Variants in SYTL2 observed in about 807,000 individuals in gnomAD.
The protein encoded by SYTL2 is synaptotagmin-like protein 2.
A neutral mutation model predicts 198.7 loss-of-function variants in SYTL2; 165 were observed. That is an observed-to-expected ratio of 0.83 (90% CI 0.73 to 0.94). The LOEUF (loss-of-function observed/expected upper bound fraction) is 0.94, where lower values mean the gene tolerates loss of function less well. SYTL2 is among the 40% of genes least tolerant of loss of function. The pLI is 0.00. For synonymous variants in SYTL2, 966 were observed against 917.7 expected, an observed-to-expected ratio of 1.05 and a Z score of -0.95; for missense variants, 2,835 against 2,582.8, an observed-to-expected ratio of 1.10 and a Z score of -2.12.
chr11:85,752,780 G>A (rs77386575), intron 2 of SYTL2, among the ~76,000 whole-genome samples: 10,821 of 151,668 alleles, frequency 0.071, 692 homozygotes, highest in Non-Finnish European at 0.096. Context: ...ACACTGTTTT[G>A]AAGATGAAAT....
chr11:85,707,850 C>T (rs890946327), intron 14 of SYTL2, among the ~76,000 whole-genome samples: 7 of 149,280 alleles, frequency 4.7e-5, no homozygotes, highest in Non-Finnish European at 7.4e-5. Flanking sequence ...TGGCTCACAC[C>T]TGTAATCCCA....
intron 1 of SYTL2, among the ~76,000 whole-genome samples, chr11:85,777,599 G>A (rs2092473072): frequency 1.3e-5 from 2 of 151,762 alleles, no homozygotes; most frequent in African/African-American, 4.8e-5. Context: ...AACAGGCCCA[G>A]GCTCTGTACA....
the SYTL2 span, among the ~76,000 whole-genome samples, chr11:85,840,093 A>T: frequency 0.16 from 23,939 of 152,030 alleles, 2,042 homozygotes; most frequent in Middle Eastern, 0.2. Context: ...TTCTTTCAAG[A>T]AATGTCTATT....
At chr11:85,844,063 G>T in the SYTL2 span, among the ~76,000 whole-genome samples, 1 of 152,184 alleles carries the variant, frequency 6.6e-6, no homozygotes, top group African/African-American at 2.4e-5. Context: ...CAGGGTCAAA[G>T]AATATTCTTC....
At position 85,748,360 on chromosome 11, in the gene SYTL2, A is replaced by G. The variant is rs1381584253; in HGVS notation, c.165T>C (p.Tyr55=). ...QLKNMSGQWF[Y]EAKAKRHRDK... is the part of the protein sequence containing the mutation. ...CCCTGTGCCTTTTTGCCTTGGCTTC[A>G]TAAAACCATTGGCCACTCATATTCT... is the stretch of plus-strand genomic sequence containing the variant. Residue 55 remains tyrosine, a synonymous_variant, in exon 3 of 20, where the codon TAT becomes TAC. Coordinates refer to ENST00000359152, the MANE Select transcript of SYTL2 (RefSeq NM_206927.4). The G allele has an allele frequency of 6.2e-7, 1 of 1,614,040 alleles. No individual in the cohort carries two copies. The highest frequency in any genetic ancestry group is 1.1e-5 in the South Asian group (1 of 91,080).
chr11:85,839,645 T>C, the SYTL2 span, among the ~76,000 whole-genome samples: 2 of 152,356 alleles, frequency 1.3e-5, no homozygotes, highest in South Asian at 2.1e-4. Context: ...TAGTACTCCA[T>C]TGTGTATATA....
At position 85,724,016 on chromosome 11, in the gene SYTL2, A is replaced by C. The variant is rs746139676; in HGVS notation, c.5326+16T>G. Reference sequence around the variant, plus strand: ...AAAGCAGACTCACTGTGAGTTAAAAAATTTTAAATGCTCACTGGAAGGATT... The same window carrying C: ...AAAGCAGACTCACTGTGAGTTAAAACATTTTAAATGCTCACTGGAAGGATT... On this transcript the variant is annotated intron_variant, in intron 8 of 19. Coordinates refer to ENST00000359152, the MANE Select transcript of SYTL2 (RefSeq NM_206927.4). 1 of 1,422,512 alleles carries C rather than the reference A, an allele frequency of 7.0e-7. No homozygotes were observed. The highest frequency in any genetic ancestry group is 1.8e-5 in the South Asian group (1 of 54,448). The allele number at this position is 1,422,512 out of a possible 1,614,324, so 88.1% of individuals were successfully genotyped here.
At chr11:85,833,141 A>G in the SYTL2 span, among the ~76,000 whole-genome samples, 3 of 127,886 alleles carry the variant, frequency 2.3e-5, no homozygotes, top group East Asian at 6.0e-4. Flanking sequence ...GAAGGAAGGA[A>G]GGAAGGAAGG....
chr11:85,705,702 A>G (rs1308585003), intron 15 of SYTL2, among the ~76,000 whole-genome samples: 2 of 152,198 alleles, frequency 1.3e-5, no homozygotes, highest in Non-Finnish European at 1.5e-5. Flanking sequence ...ATCTAAAAAT[A>G]ATTTCCATTT....
intron 2 of SYTL2, among the ~76,000 whole-genome samples, chr11:85,748,746 C>A (rs1368385979): frequency 6.6e-6 from 1 of 152,202 alleles, no homozygotes; most frequent in Non-Finnish European, 1.5e-5. Flanking sequence ...AGGGATAATA[C>A]GGTAGGCTTC....
At chr11:85,781,253 G>C (rs1305152018) in intron 1 of SYTL2, among the ~76,000 whole-genome samples, 2 of 151,980 alleles carry the variant, frequency 1.3e-5, no homozygotes, top group Admixed American at 6.6e-5. Flanking sequence ...AAGCAAAAGG[G>C]GAAAAAGCCC....
At chr11:85,781,393 T>C (rs916874839) in intron 1 of SYTL2, among the ~76,000 whole-genome samples, 1 of 152,062 alleles carries the variant, frequency 6.6e-6, no homozygotes, top group Non-Finnish European at 1.5e-5. Context: ...TTATGAGAAC[T>C]ACAATTCAAG....
chr11:85,799,531 T>C (rs1338756562), intron 1 of SYTL2, among the ~76,000 whole-genome samples: 1 of 152,108 alleles, frequency 6.6e-6, no homozygotes, highest in East Asian at 1.9e-4. Context: ...AAGCATCCAA[T>C]CTCCTTAATA....
Position 85,726,760 on chromosome 11 carries a change from G to A in SYTL2, c.2598C>T (p.Ser866=), listed in dbSNP as rs2089240192. The change falls in exon 8 of 20, where the codon TCC becomes TCT. Residue 866 remains serine (S), a synonymous_variant. Coordinates refer to ENST00000359152, the MANE Select transcript of SYTL2 (RefSeq NM_206927.4). ...RVVLDEDDQA[S]QLSNSYSSNK... ...TTGAGGAATAAGAATTGGAGAGCTG[G>A]GATGCTTGATCATCCTCATCTAAGA... 1 of 1,536,084 alleles carries A rather than the reference G, an allele frequency of 6.5e-7. No homozygotes were observed. Among genetic ancestry groups the A allele is most frequent in the South Asian group, 1.2e-5 (1 of 84,044 alleles).
At chr11:85,773,879 C>T (rs1342473791) in intron 1 of SYTL2, among the ~76,000 whole-genome samples, 1 of 151,974 alleles carries the variant, frequency 6.6e-6, no homozygotes, top group Non-Finnish European at 1.5e-5. Context: ...TAAATTTGTC[C>T]CTGAAAAACC....
the SYTL2 span, among the ~76,000 whole-genome samples, chr11:85,830,539 A>G: frequency 1.3e-5 from 2 of 152,190 alleles, no homozygotes; most frequent in African/African-American, 2.4e-5. Context: ...CTCTATCTCA[A>G]TGGCTGATGT....
chr11:85,844,276 G>A, the SYTL2 span, among the ~76,000 whole-genome samples: 2 of 152,300 alleles, frequency 1.3e-5, no homozygotes, highest in Admixed American at 1.3e-4. Context: ...CTAGTGTGCT[G>A]TATAAAGGGT....
intron 1 of SYTL2, among the ~76,000 whole-genome samples, chr11:85,782,231 T>C (rs2092572233): frequency 6.6e-6 from 1 of 152,232 alleles, no homozygotes; most frequent in South Asian, 2.1e-4. Flanking sequence ...GGCTTGGGGC[T>C]TACAACCTCT....
At chr11:85,836,336 C>T in the SYTL2 span, among the ~76,000 whole-genome samples, 1 of 152,078 alleles carries the variant, frequency 6.6e-6, no homozygotes, top group Non-Finnish European at 1.5e-5. Context: ...ACACCACACC[C>T]CACACCTACC....
Sources: gnomAD v4.1 joint callset for allele counts (sites outside exome capture counted in the v4.1 genomes callset) on GRCh38, gnomAD v4.1.1 for gene constraint, MANE v1.5 for transcripts, NCBI Gene and HGNC (gene_info 2026-07-23, HGNC 2026-07-21) for gene names.